The following CAMSAP3 variants were observed in gnomAD, a reference collection of about 807,000 sequenced individuals.
CAMSAP3 encodes the protein calmodulin-regulated spectrin-associated protein 3.
CAMSAP3 carries 34 observed loss-of-function variants against 112.5 expected under a neutral mutation model. The observed-to-expected ratio is 0.30, with a 90% CI of 0.23 to 0.40. The LOEUF (loss-of-function observed/expected upper bound fraction) is 0.40, where lower values mean the gene tolerates loss of function less well. Ranked by LOEUF, CAMSAP3 falls within the 10% of genes least tolerant of loss-of-function variation. The pLI is 1.00. For missense variants in CAMSAP3, 1,602 were observed against 1,770.3 expected, an observed-to-expected ratio of 0.90 and a Z score of 1.71; for synonymous variants, 868 against 799.8, an observed-to-expected ratio of 1.09 and a Z score of -1.44.
chr19:7,597,978 G>A (rs141922307), intron 1 of CAMSAP3, among the ~76,000 whole-genome samples: 40 of 152,270 alleles, frequency 2.6e-4, no homozygotes, highest in Middle Eastern at 3.4e-3. Context: ...AAAAAGAGGA[G>A]AAGGGCTGAA....
intron 5 of CAMSAP3, among the ~76,000 whole-genome samples, chr19:7,608,602 G>T (rs1035472211): frequency 4.0e-5 from 6 of 151,642 alleles, no homozygotes; most frequent in African/African-American, 1.5e-4. Flanking sequence ...CTCTAGCTGG[G>T]AGAGAAAGAT....
At chr19:7,603,073 A>G (rs2030041714) in intron 1 of CAMSAP3, among the ~76,000 whole-genome samples, 1 of 152,112 alleles carries the variant, frequency 6.6e-6, no homozygotes, top group Non-Finnish European at 1.5e-5. Context: ...TGGTTTTAGA[A>G]GGTGGGAAAG....
In CAMSAP3 at chr19:7,610,478, G is replaced by A. The variant is rs758815400; in HGVS notation, c.763G>A (p.Val255Met). 1.2e-6 allele frequency: 2 copies of A among 1,610,920 alleles called. No homozygotes were observed. The highest frequency in any genetic ancestry group is 1.7e-6 in the Non-Finnish European group (2 of 1,178,746). The change falls in exon 6 of 17, where the codon GTG becomes ATG. Residue 255 changes from valine (V) to methionine (M), a missense_variant and splice_region_variant. Physicochemically the swap from Val to Met is conservative, Grantham distance 21. This residue lies in a region of CAMSAP3 where 58 missense variants were observed against 108.4 expected (regional missense o/e 0.54). Transcript: ENST00000160298. The surrounding 1 kb of genome is among the most constrained non-coding windows in gnomAD (Gnocchi z 4.9). ...ACCCACTCCTCCTGTCCCCACAGAG[G>A]TGTGCTTGAAGGACCCCATGTCTGT... The part of the protein sequence containing the change: ...YCPQLLRLEE[V>M]CLKDPMSVAD...
rs575974357 is a variant in CAMSAP3, at chr19:7,615,423, C to A, written c.2816C>A (p.Ala939Asp). The A allele has an allele frequency of 2.2e-5, 34 of 1,540,766 alleles. No homozygotes were observed. Among genetic ancestry groups the A allele is most frequent in the Non-Finnish European group, 2.8e-5 (32 of 1,145,690 alleles). ...EQRREEAARL[A>D]QEEAPGPAPL... ...CGATTCCCTGTGATCTGCAGGCTGG[C>A]CCAAGAGGAGGCCCCGGGCCCAGCC... The change falls in exon 13 of 17, where the codon GCC becomes GAC. Residue 939 changes from alanine (A) to aspartate (D), a missense_variant. Ala to Asp is a moderately radical substitution (Grantham distance 126). Around this residue, in one of 6 missense-constraint regions of CAMSAP3, gnomAD observed 1,100 missense variants for 1,135.7 expected, o/e 0.97. Transcript: ENST00000160298. The surrounding 1 kb of genome is among the most constrained non-coding windows in gnomAD (Gnocchi z 6.5).
rs748687510 is a variant in CAMSAP3 at position 7,606,435 on chromosome 19, C to T, written c.526-41C>T. ...CTGGGGTGGGTTCGGGGACCAGCAT[C>T]GTCCAGTGGCCAGACCACTGACCCC... is the stretch of plus-strand genomic sequence containing the variant. On this transcript the variant is annotated intron_variant, in intron 3 of 16. Transcript: ENST00000160298. The T allele has an allele frequency of 6.2e-6, 10 of 1,610,866 alleles. No homozygotes were observed. The East Asian group carries it at 6.7e-5, about 11-fold the overall frequency.
At position 7,615,466 on chromosome 19, in the gene CAMSAP3, C is replaced by T; in HGVS notation, c.2859C>T (p.Val953=). 1 of 1,541,166 alleles carries T rather than the reference C, an allele frequency of 6.5e-7. No individual in the cohort carries two copies. The highest frequency in any genetic ancestry group is 8.7e-7 in the Non-Finnish European group (1 of 1,146,144). ...GCCCAGCCCCGCTTGTGTCCGCAGTCCCGATGGCGACTCCAGCCCCTGCTG... is the reference window on the plus strand; with the variant it reads ...GCCCAGCCCCGCTTGTGTCCGCAGTTCCGATGGCGACTCCAGCCCCTGCTG... ...APGPAPLVSA[V]PMATPAPAAR... Residue 953 remains valine (V), a synonymous_variant, in exon 13 of 17, where the codon GTC becomes GTT. Coordinates refer to ENST00000160298, the MANE Select transcript of CAMSAP3 (RefSeq NM_020902.2). This position sits in a 1 kb window ranked among gnomAD's most constrained non-coding sequence, Gnocchi z 6.5.
At chr19:7,608,633 CTTTTT>C (rs1012617941) in intron 5 of CAMSAP3, among the ~76,000 whole-genome samples, 1 of 131,648 alleles carries the variant, frequency 7.6e-6, no homozygotes. Context: ...TCCAAAAGTA[CTTTTT>C]TTTTTTTTTT....
At position 7,596,032 on chromosome 19, in the gene CAMSAP3, G is replaced by T; in HGVS notation, c.30G>T (p.Gly10=). MVEAAPPGP[G]PLRRTFLVPE... Reference sequence around the variant, plus strand: ...TGGAGGCGGCGCCCCCCGGGCCCGGGCCGCTGCGGAGGACCTTTCTAGTGC... The same window carrying T: ...TGGAGGCGGCGCCCCCCGGGCCCGGTCCGCTGCGGAGGACCTTTCTAGTGC... The change falls in exon 1 of 17, where the codon GGG becomes GGT. Residue 10 remains glycine, a synonymous_variant. Transcript: ENST00000160298. The T allele has an allele frequency of 8.2e-7, 1 of 1,221,366 alleles. No homozygotes were observed. The highest frequency in any genetic ancestry group is 1.6e-5 in the South Asian group (1 of 60,880). The allele number at this position is 1,221,366 out of a possible 1,614,324, so 75.7% of individuals were successfully genotyped here.
chr19:7,605,147 GGTGTGTGTGTGTGTGTGT>G, intron 1 of CAMSAP3, 61 bp from the exon 2 acceptor site: 1 of 623,268 alleles, frequency 1.6e-6, no homozygotes, highest in South Asian at 2.7e-5. Context: ...CGGGCCATGT[GGTGTGTGTGTGTGTGTGT>G]GTGTGTGTGT....
In CAMSAP3 at chr19:7,617,270, A is replaced by C; in HGVS notation, c.3213-56A>C. The C allele has an allele frequency of 8.0e-7, 1 of 1,248,208 alleles. No individual in the cohort carries two copies. Among genetic ancestry groups the C allele is most frequent in the Non-Finnish European group, 1.2e-6 (1 of 848,694 alleles). 77.3% of individuals were successfully genotyped at this position (1,248,208 alleles called of 1,614,324 possible). ...CACATAGGGAAGCTTCCCATCTCTG[A>C]CCCCACCTCCATCCCATCCTGACCC... On this transcript the variant is annotated intron_variant, in intron 14 of 16. Coordinates refer to ENST00000160298, the MANE Select transcript of CAMSAP3 (RefSeq NM_020902.2). This position sits in a 1 kb window ranked among gnomAD's most constrained non-coding sequence, Gnocchi z 7.5.
At chr19:7,596,519 T>G (rs1331183390) in intron 1 of CAMSAP3, among the ~76,000 whole-genome samples, 2 of 114,678 alleles carry the variant, frequency 1.7e-5, no homozygotes, top group East Asian at 3.9e-4. Flanking sequence ...CTTGCACGCC[T>G]TCTTCTCTTT....
At chr19:7,614,960 G>A in intron 11 of CAMSAP3, 1 of 609,714 alleles carries the variant, frequency 1.6e-6, no homozygotes, top group East Asian at 2.8e-5. Context: ...TCCCCGTTGG[G>A]TTAAGCAGTG....
chr19:7,598,453 A>C (rs1211388710), intron 1 of CAMSAP3, among the ~76,000 whole-genome samples: 1 of 152,176 alleles, frequency 6.6e-6, no homozygotes, highest in East Asian at 1.9e-4. Context: ...TGACAAGATC[A>C]GGTATGCAGT....
chr19:7,606,710 C>T, intron 4 of CAMSAP3, 139 bp downstream of exon 4: 1 of 1,606,844 alleles, frequency 6.2e-7, no homozygotes, highest in Non-Finnish European at 8.5e-7. Context: ...CTCTCTCAAT[C>T]TCTCTGTGCC....
Position 7,617,925 on chromosome 19 carries a change from G to A in CAMSAP3, c.3618G>A (p.Ser1206=), listed in dbSNP as rs769565176. The A allele has an allele frequency of 8.7e-6, 14 of 1,613,958 alleles. No homozygotes were observed. Among genetic ancestry groups the A allele is most frequent in the African/African-American group, 6.7e-5 (5 of 74,892 alleles). Residue 1206 remains serine (S), a synonymous_variant, in exon 17 of 17, where the codon TCG becomes TCA. Coordinates refer to ENST00000160298, the MANE Select transcript of CAMSAP3 (RefSeq NM_020902.2). The surrounding 1 kb of genome is among the most constrained non-coding windows in gnomAD (Gnocchi z 7.5). ...AMVEGIYKYN[S]DRKRFTQIPA... ...TGGAAGGCATCTACAAGTACAACTCGGACCGCAAGCGCTTCACCCAGATCC... is the reference window on the plus strand; with the variant it reads ...TGGAAGGCATCTACAAGTACAACTCAGACCGCAAGCGCTTCACCCAGATCC...
chr19:7,613,199 C>G, intron 11 of CAMSAP3, 36 bp downstream of exon 11: 1 of 299,914 alleles, frequency 3.3e-6, no homozygotes, highest in Non-Finnish European at 4.7e-6. Context: ...GGGTCCTGGG[C>G]CTGGGGCGGG....
At chr19:7,606,648 C>G in intron 4 of CAMSAP3, 77 bp downstream of exon 4, 1 of 1,535,122 alleles carries the variant, frequency 6.5e-7, no homozygotes, top group South Asian at 1.2e-5. Context: ...TTCCTGGACA[C>G]TCCTGAAGTG....
At chr19:7,616,214 G>T (rs1002844942) in intron 13 of CAMSAP3, among the ~76,000 whole-genome samples, 2 of 145,574 alleles carry the variant, frequency 1.4e-5, no homozygotes, top group Non-Finnish European at 1.5e-5. Context: ...AAAAAAAAAA[G>T]ACTTCCATAG....
intron 1 of CAMSAP3, among the ~76,000 whole-genome samples, chr19:7,602,392 G>T (rs539135614): frequency 6.6e-6 from 1 of 152,194 alleles, no homozygotes; most frequent in African/African-American, 2.4e-5. Context: ...GGTGTTTTTT[G>T]TTTCTTGTTT....
Sources: gnomAD v4.1 joint callset for allele counts (sites outside exome capture counted in the v4.1 genomes callset) on GRCh38, gnomAD v4.1.1 for gene constraint, gnomAD v4.1.1 regional missense constraint, Gnocchi (gnomAD v3.1) non-coding constraint, MANE v1.5 for transcripts, NCBI Gene and HGNC (gene_info 2026-07-23, HGNC 2026-07-21) for gene names.